Variants in KCNMA1 observed in about 807,000 individuals in gnomAD.
KCNMA1 encodes potassium calcium-activated channel subfamily M alpha 1.
A neutral mutation model predicts 140.0 loss-of-function variants in KCNMA1; 29 were observed. That is an observed-to-expected ratio of 0.21 (90% confidence interval 0.15 to 0.28). KCNMA1 has a LOEUF of 0.28. Ranked by LOEUF, KCNMA1 falls within the 10% of genes least tolerant of loss-of-function variation. The pLI is 1.00. For missense variants in KCNMA1, 880 were observed against 1,602.2 expected, an observed-to-expected ratio of 0.55 and a Z score of 7.70; for synonymous variants, 612 against 611.9, an observed-to-expected ratio of 1.00 and a Z score of 0.00.
At chr10:77,304,312 C>T (rs2077177315) in intron 2 of KCNMA1, 6 of 152,200 alleles carry the variant, frequency 3.9e-5, no homozygotes, top group Admixed American at 3.9e-4. Flanking sequence ...TATAGAGAGC[C>T]AATAAGTGTG....
At chr10:77,229,021 A>C (rs2052567423) in intron 3 of KCNMA1, among the ~76,000 whole-genome samples, 1 of 152,284 alleles carries the variant, frequency 6.6e-6, no homozygotes, top group African/African-American at 2.4e-5. Context: ...CACAAGTAAC[A>C]CAGTGTATAC....
At chr10:77,623,444 C>A (rs1017697928) in intron 1 of KCNMA1, among the ~76,000 whole-genome samples, 1 of 151,938 alleles carries the variant, frequency 6.6e-6, no homozygotes, top group Non-Finnish European at 1.5e-5. Flanking sequence ...ACCTGTAATC[C>A]CAGCACTCTG....
intron 2 of KCNMA1, among the ~76,000 whole-genome samples, chr10:77,282,247 G>A (rs1380860456): frequency 6.6e-6 from 1 of 152,078 alleles, no homozygotes; most frequent in Admixed American, 6.5e-5. Flanking sequence ...TACCTGTCAT[G>A]GCCTTGACCT....
chr10:77,292,001 T>G (rs1270127280), intron 2 of KCNMA1, among the ~76,000 whole-genome samples: 1 of 152,134 alleles, frequency 6.6e-6, no homozygotes, highest in African/African-American at 2.4e-5. Context: ...TGTTACAAAC[T>G]TTAAAATTGA....
chr10:77,637,431 A>AT lies in KCNMA1; in HGVS notation c.211dup (p.Ile71AsnfsTer62). The stretch of plus-strand genomic sequence containing the variant: ...GCACGGCACCTCCATGGTCACCGGG[A>AT]TGATGAGCGCATCCATCTTGGGCTC... On this transcript the variant is annotated frameshift_variant, in exon 1 of 28. Coordinates refer to ENST00000286628, the MANE Select transcript of KCNMA1 (RefSeq NM_001161352.2). LOFTEE classifies it high-confidence loss of function. 1 of 1,613,648 alleles carries AT rather than the reference A, an allele frequency of 6.2e-7. No homozygotes were observed. The highest frequency in any genetic ancestry group is 8.5e-7 in the Non-Finnish European group (1 of 1,179,850).
intron 5 of KCNMA1, among the ~76,000 whole-genome samples, chr10:77,125,720 C>G (rs1359593913): frequency 6.6e-6 from 1 of 152,174 alleles, no homozygotes; most frequent in African/African-American, 2.4e-5. Context: ...CTGTTTTGTT[C>G]AGGGCTATAT....
At chr10:76,917,208 T>C (rs2152462461) in intron 23 of KCNMA1, among the ~76,000 whole-genome samples, 1 of 152,330 alleles carries the variant, frequency 6.6e-6, no homozygotes, top group East Asian at 1.9e-4. Flanking sequence ...ATGTGACGTT[T>C]TTGAATTTCT....
chr10:76,907,068 T>C (rs1170100185), intron 25 of KCNMA1, among the ~76,000 whole-genome samples: 1 of 152,222 alleles, frequency 6.6e-6, no homozygotes, highest in African/African-American at 2.4e-5. Flanking sequence ...GTAGCTAAAG[T>C]GCCTCGCACA....
chr10:77,637,077 C>A, intron 1 of KCNMA1, 188 bp downstream of exon 1: 1 of 1,344,278 alleles, frequency 7.4e-7, no homozygotes, highest in South Asian at 1.5e-5. Flanking sequence ...AACTCCTCAC[C>A]CCCGGCGCGC....
chr10:76,977,674 T>C (rs761364601), intron 19 of KCNMA1: 1 of 702,738 alleles, frequency 1.4e-6, no homozygotes, highest in South Asian at 1.5e-5. Context: ...GAAATACCCG[T>C]GGAGCCCACC....
chr10:77,080,318 T>C (rs2096533294), intron 12 of KCNMA1, among the ~76,000 whole-genome samples: 1 of 152,234 alleles, frequency 6.6e-6, no homozygotes, highest in African/African-American at 2.4e-5. Context: ...AGCCCCGCTG[T>C]GCAGGAGCAG....
At chr10:77,347,246 C>T (rs1263945459) in intron 2 of KCNMA1, among the ~76,000 whole-genome samples, 1 of 152,218 alleles carries the variant, frequency 6.6e-6, no homozygotes, top group Non-Finnish European at 1.5e-5. Context: ...TGTGCATGAA[C>T]CCCACCTACA....
In KCNMA1 at chr10:77,251,125, T is replaced by C. The variant is rs537666488; in HGVS notation, c.602+70A>G. On this transcript the variant is annotated intron_variant, in intron 3 of 27. Coordinates refer to ENST00000286628, the MANE Select transcript of KCNMA1 (RefSeq NM_001161352.2). ...TTGCAAAGGTTGGTGTCAAGGTAAA[T>C]AAATGGATCAATGTAAAGGCTCATG... The C allele has an allele frequency of 3.4e-5, 43 of 1,255,914 alleles. No homozygotes were observed. In the South Asian group the frequency reaches 5.0e-4, roughly 15 times the overall value. The allele number at this position is 1,255,914 out of a possible 1,614,324, so 77.8% of individuals were successfully genotyped here.
intron 2 of KCNMA1, among the ~76,000 whole-genome samples, chr10:77,317,721 G>T (rs142045792): frequency 6.6e-6 from 1 of 152,194 alleles, no homozygotes; most frequent in East Asian, 1.9e-4. Context: ...GCACAAGGCC[G>T]CTGTACATTT....
At position 77,108,279 on chromosome 10, in the gene KCNMA1, G is replaced by A; in HGVS notation, c.1223+202C>T. 2.0e-6 allele frequency: 3 copies of A among 1,469,466 alleles called. No individual in the cohort carries two copies. Among genetic ancestry groups the A allele is most frequent in the Non-Finnish European group, 1.8e-6 (2 of 1,117,882 alleles). 91.0% of individuals were successfully genotyped at this position (1,469,466 alleles called of 1,614,324 possible). A position where few individuals can be genotyped will look rare whatever the true frequency, so the allele number is the denominator to read the frequency against. On this transcript the variant is annotated intron_variant, in intron 9 of 27. Transcript: ENST00000286628. The surrounding 1 kb of genome is among the most constrained non-coding windows in gnomAD (Gnocchi z 4.6). Reference sequence around the variant, plus strand: ...CAACCACATCTTTTCTGATGCAACTGACTTACTTTCTGCCTCCATGTTTGT... The same window carrying A: ...CAACCACATCTTTTCTGATGCAACTAACTTACTTTCTGCCTCCATGTTTGT...
At chr10:77,131,073 T>G (rs78005200) in intron 5 of KCNMA1, among the ~76,000 whole-genome samples, 2,785 of 152,254 alleles carry the variant, frequency 0.018, 46 homozygotes, top group South Asian at 0.04. Flanking sequence ...ACTGATTGAC[T>G]GGGGTGCCAA....
intron 1 of KCNMA1, among the ~76,000 whole-genome samples, chr10:77,513,242 A>T (rs2049071535): frequency 6.6e-6 from 1 of 151,448 alleles, no homozygotes; most frequent in African/African-American, 2.4e-5. Flanking sequence ...AGCTGGTGCT[A>T]CTACGTGGAA....
intron 2 of KCNMA1, among the ~76,000 whole-genome samples, chr10:77,313,293 G>A (rs1461146031): frequency 1.3e-5 from 2 of 152,176 alleles, no homozygotes; most frequent in Non-Finnish European, 2.9e-5. Flanking sequence ...TGCTCTGCAG[G>A]ATTAGCGGTC....
At position 77,506,852 on chromosome 10, in the gene KCNMA1, T is replaced by A. The variant is rs1424910201; in HGVS notation, c.379-102829A>T. ...GAGAGAGAGAGAGAGTGTGTGTGTG[T>A]GTGTGTGTGTGTGTGTGTGTTAGAG... On this transcript the variant is annotated intron_variant, in intron 1 of 27. Coordinates refer to ENST00000286628, the MANE Select transcript of KCNMA1 (RefSeq NM_001161352.2). 2.0e-3 allele frequency among the ~76,000 whole-genome samples: 296 copies of A among 148,554 alleles called. 1 individual carries two copies. Among genetic ancestry groups the A allele is most frequent in the African/African-American group, 6.3e-3 (251 of 40,014 alleles).
Sources: allele counts gnomAD v4.1 joint callset (sites outside exome capture counted in the v4.1 genomes callset), GRCh38; gene constraint gnomAD v4.1.1; non-coding constraint Gnocchi (gnomAD v3.1); transcripts MANE v1.5; gene names NCBI Gene and HGNC (gene_info 2026-07-23, HGNC 2026-07-21).